Variants in ATP2A2 observed in about 807,000 individuals in gnomAD.
ATP2A2 encodes sarcoplasmic/endoplasmic reticulum calcium ATPase 2.
Under a neutral mutation model 109.3 loss-of-function variants are expected in ATP2A2, and 14 were observed. The ratio of observed to expected loss-of-function variants is 0.13; its 90% confidence interval spans 0.08 to 0.20. The LOEUF (loss-of-function observed/expected upper bound fraction) is 0.20. Ranked by LOEUF, ATP2A2 falls within the 10% of genes least tolerant of loss-of-function variation. The pLI, the probability that ATP2A2 is intolerant of heterozygous loss-of-function variation, is 1.00. For missense variants in ATP2A2, 657 were observed against 1,321.6 expected, an observed-to-expected ratio of 0.50 and a Z score of 7.80; for synonymous variants, 506 against 490.9, an observed-to-expected ratio of 1.03 and a Z score of -0.41.
intron 5 of ATP2A2, among the ~76,000 whole-genome samples, chr12:110,303,745 G>C (rs1874943375): frequency 6.6e-6 from 1 of 152,030 alleles, no homozygotes; most frequent in Admixed American, 6.6e-5. Flanking sequence ...ATTTTTAGTA[G>C]AGGCAGAGTT....
intron 5 of ATP2A2, among the ~76,000 whole-genome samples, chr12:110,313,976 A>G (rs930162466): frequency 6.6e-6 from 1 of 151,510 alleles, no homozygotes; most frequent in Non-Finnish European, 1.5e-5. Context: ...CAGCCTCCCA[A>G]AGTGTTGGGA....
intron 5 of ATP2A2, among the ~76,000 whole-genome samples, chr12:110,297,661 C>T (rs766904692): frequency 2.6e-5 from 4 of 151,320 alleles, no homozygotes; most frequent in Non-Finnish European, 5.9e-5. Context: ...CTCTGTTACC[C>T]GGGCTGGAGT....
Position 110,339,794 on chromosome 12 carries a change from A to G in ATP2A2, c.1761+73A>G, listed in dbSNP as rs1186137377. On this transcript the variant is annotated intron_variant, in intron 13 of 19. Transcript: ENST00000539276. The surrounding 1 kb of genome is among the most constrained non-coding windows in gnomAD (Gnocchi z 4.4). ...TGTTTAAACAGTACTCCTTCAAGCA[A>G]AAGGTCAAACAGTTCTCACTTTTGC... The G allele has an allele frequency of 5.3e-6, 8 of 1,498,124 alleles. No individual in the cohort carries two copies. The highest frequency in any genetic ancestry group is 1.7e-4 in the Middle Eastern group (1 of 5,762). The allele number at this position is 1,498,124 out of a possible 1,614,324, so 92.8% of individuals were successfully genotyped here. A position where few individuals can be genotyped will look rare whatever the true frequency, so the allele number is the denominator to read the frequency against.
At position 110,293,990 on chromosome 12, in the gene ATP2A2, C is replaced by T. The variant is rs553380588; in HGVS notation, c.324+1866C>T. On this transcript the variant is annotated intron_variant, in intron 4 of 19. Transcript: ENST00000539276. ...CTTGTGGGTTTGAACAATTCTCCTG[C>T]CTCAGCTTCCCGAGTAGCTGGGATT... Among the ~76,000 whole-genome samples the T allele has an allele frequency of 2.0e-5, 3 of 149,832 alleles. 1 individual carries two copies. The South Asian group carries it at 6.4e-4, about 32-fold the overall frequency.
chr12:110,305,807 T>C (rs1328442221), intron 5 of ATP2A2, among the ~76,000 whole-genome samples: 1 of 152,096 alleles, frequency 6.6e-6, no homozygotes, highest in Non-Finnish European at 1.5e-5. Flanking sequence ...GTTGTATCTA[T>C]AGATGAGTTT....
At chr12:110,336,591 A>G (rs559529892) in intron 11 of ATP2A2, among the ~76,000 whole-genome samples, 58 of 152,182 alleles carry the variant, frequency 3.8e-4, no homozygotes, top group Middle Eastern at 3.2e-3. Context: ...GCCTGCAGTT[A>G]GGGACACCTA....
Position 110,349,092 on chromosome 12 carries a change from T to G in ATP2A2, c.*2622T>G. On this transcript the variant is annotated 3_prime_UTR_variant, in exon 20 of 20. Coordinates refer to ENST00000539276, the MANE Select transcript of ATP2A2 (RefSeq NM_170665.4). ...AGAGGAGCCCATGGAGGGACCCACT[T>G]CCCTTGGTCCAGACAGCTGGGAGTG... is the stretch of plus-strand genomic sequence containing the variant. The G allele has an allele frequency of 1.0e-6, 1 of 985,396 alleles. No homozygotes were observed. The highest frequency in any genetic ancestry group is 4.7e-5 in the South Asian group (1 of 21,280). 61.0% of individuals were successfully genotyped at this position (985,396 alleles called of 1,614,324 possible).
rs766248271 is a variant in ATP2A2, at chr12:110,340,877, C to A, written c.1980C>A (p.Leu660=). 1 of 1,614,242 alleles carries A rather than the reference C, an allele frequency of 6.2e-7. No individual in the cohort carries two copies. The highest frequency in any genetic ancestry group is 8.5e-7 in the Non-Finnish European group (1 of 1,180,044). Residue 660 remains leucine (L), a synonymous_variant, in exon 14 of 20, where the codon CTC becomes CTA. Transcript: ENST00000539276. The surrounding 1 kb of genome is among the most constrained non-coding windows in gnomAD (Gnocchi z 6.0). ...TCACAGGCCGGGAGTTTGATGAACT[C>A]AACCCCTCCGCCCAGCGAGACGCCT... is the stretch of plus-strand genomic sequence containing the variant. ...KAFTGREFDE[L]NPSAQRDACL... is the part of the protein sequence containing the mutation.
chr12:110,331,019 G>T (rs537018375), intron 8 of ATP2A2: 2 of 152,068 alleles, frequency 1.3e-5, no homozygotes, highest in Non-Finnish European at 2.9e-5. Context: ...CGAGGCGGGC[G>T]GATCACCTGA....
chr12:110,309,770 G>A, intron 5 of ATP2A2, among the ~76,000 whole-genome samples: 1 of 152,046 alleles, frequency 6.6e-6, no homozygotes. Context: ...GCTAGGCGTG[G>A]TGGTGCGTAC....
chr12:110,285,508 G>A (rs745920170), intron 3 of ATP2A2, among the ~76,000 whole-genome samples: 5 of 152,174 alleles, frequency 3.3e-5, no homozygotes, highest in Non-Finnish European at 7.3e-5. Flanking sequence ...TGGGGATACA[G>A]TAGTGAATAA....
Position 110,326,425 on chromosome 12 carries a change from G to A in ATP2A2, c.580G>A (p.Val194Ile), listed in dbSNP as rs375924802. 1.3e-5 allele frequency: 21 copies of A among 1,613,904 alleles called. No homozygotes were observed. Among genetic ancestry groups the A allele is most frequent in the Middle Eastern group, 1.6e-4 (1 of 6,084 alleles). Residue 194 changes from valine to isoleucine, a missense_variant, in exon 7 of 20, where the codon GTC becomes ATC. Physicochemically the swap from Val to Ile is conservative, Grantham distance 29. This residue lies in a region of ATP2A2 where 136 missense variants were observed against 343.9 expected (regional missense o/e 0.40). Coordinates refer to ENST00000539276, the MANE Select transcript of ATP2A2 (RefSeq NM_170665.4). ...SVSVIKHTDP[V>I]PDPRAVNQDK... ...CTCTGTCATCAAGCACACTGATCCC[G>A]TCCCTGACCCACGAGCTGTCAACCA...
rs1447500796 is a variant in ATP2A2, at chr12:110,328,011, C to G, written c.1089C>G (p.Val363=). 2 of 1,612,972 alleles carry G rather than the reference C, an allele frequency of 1.2e-6. No individual in the cohort carries two copies. The highest frequency in any genetic ancestry group is 1.3e-5 in the African/African-American group (1 of 74,900). The change falls in exon 8 of 20, where the codon GTC becomes GTG. Residue 363 remains valine (V), a synonymous_variant. Coordinates refer to ENST00000539276, the MANE Select transcript of ATP2A2 (RefSeq NM_170665.4). ...TGTLTTNQMS[V]CRMFILDRVE... ...CACTTACAACAAACCAGATGTCAGTCTGCAGGGTAAGAGGAGTAATTTAGA... is the reference window on the plus strand; with the variant it reads ...CACTTACAACAAACCAGATGTCAGTGTGCAGGGTAAGAGGAGTAATTTAGA...
intron 11 of ATP2A2, among the ~76,000 whole-genome samples, chr12:110,336,892 A>G (rs1878888704): frequency 6.6e-6 from 1 of 152,202 alleles, no homozygotes; most frequent in African/African-American, 2.4e-5. Flanking sequence ...ATCCTGGCAG[A>G]GCCACGCTGC....
intron 5 of ATP2A2, among the ~76,000 whole-genome samples, chr12:110,297,304 G>A (rs995445494): frequency 6.6e-6 from 1 of 151,920 alleles, no homozygotes; most frequent in Non-Finnish European, 1.5e-5. Flanking sequence ...GCATGATGGT[G>A]TGTGCCTGTA....
chr12:110,349,868 C>T lies in ATP2A2; in HGVS notation c.*3398C>T, dbSNP rs544924018. 7.8e-5 allele frequency: 82 copies of T among 1,054,116 alleles called. 1 individual carries two copies. The South Asian group carries it at 2.2e-3, about 28-fold the overall frequency. 65.3% of individuals were successfully genotyped at this position (1,054,116 alleles called of 1,614,324 possible). On this transcript the variant is annotated 3_prime_UTR_variant, in exon 20 of 20. Coordinates refer to ENST00000539276, the MANE Select transcript of ATP2A2 (RefSeq NM_170665.4). Reference sequence around the variant, plus strand: ...CCTCTCCAGGGCTAGGCAAGGCAGGCGAGCAGCCAGAAGCCGGGTGCCCAC... The same window carrying T: ...CCTCTCCAGGGCTAGGCAAGGCAGGTGAGCAGCCAGAAGCCGGGTGCCCAC...
chr12:110,332,578 A>C lies in ATP2A2; in HGVS notation c.1096-19A>C, dbSNP rs1287429264. On this transcript the variant is annotated intron_variant, in intron 8 of 19. Transcript: ENST00000539276. ...TTAAAAATCCCTTTTAAATACTCTGATGCGCTCTCCCCCTACAGATGTTCA... is the reference window on the plus strand; with the variant it reads ...TTAAAAATCCCTTTTAAATACTCTGCTGCGCTCTCCCCCTACAGATGTTCA... The C allele has an allele frequency of 2.5e-6, 4 of 1,585,042 alleles. No homozygotes were observed. The highest frequency in any genetic ancestry group is 2.6e-6 in the Non-Finnish European group (3 of 1,153,550).
At chr12:110,317,196 G>T (rs775801253) in intron 5 of ATP2A2, among the ~76,000 whole-genome samples, 1 of 152,138 alleles carries the variant, frequency 6.6e-6, no homozygotes, top group Non-Finnish European at 1.5e-5. Context: ...TGTTTAAGTA[G>T]TTTAAGATAA....
At chr12:110,318,179 C>T (rs192573385) in intron 5 of ATP2A2, among the ~76,000 whole-genome samples, 1 of 152,198 alleles carries the variant, frequency 6.6e-6, no homozygotes, top group Admixed American at 6.5e-5. Flanking sequence ...CCTCTCCAGA[C>T]AAAGGGAAAT....
Sources: gnomAD v4.1 joint callset for allele counts (sites outside exome capture counted in the v4.1 genomes callset) on GRCh38, gnomAD v4.1.1 for gene constraint, gnomAD v4.1.1 regional missense constraint, Gnocchi (gnomAD v3.1) non-coding constraint, MANE v1.5 for transcripts, NCBI Gene and HGNC (gene_info 2026-07-23, HGNC 2026-07-21) for gene names.